The following TMEM178A variants were observed in gnomAD, a reference collection of about 807,000 sequenced individuals.
The protein encoded by TMEM178A is transmembrane protein 178.
TMEM178A carries 12 observed loss-of-function variants against 29.1 expected under a neutral mutation model. The observed-to-expected ratio is 0.41, with a 90% CI of 0.26 to 0.67. The LOEUF is 0.67. Ranked by LOEUF, TMEM178A falls within the 30% of genes least tolerant of loss-of-function variation. The pLI, the probability that TMEM178A is intolerant of heterozygous loss-of-function variation, is 0.29. For missense variants in TMEM178A, 366 were observed against 419.1 expected, an observed-to-expected ratio of 0.87 and a Z score of 1.11; for synonymous variants, 210 against 187.2, an observed-to-expected ratio of 1.12 and a Z score of -0.99.
intron 1 of TMEM178A, among the ~76,000 whole-genome samples, chr2:39,699,005 A>C (rs1227163038): frequency 6.6e-6 from 1 of 150,724 alleles, no homozygotes; most frequent in Non-Finnish European, 1.5e-5. Flanking sequence ...ATTGTTAGTA[A>C]TAGCCTCTGT....
chr2:39,731,181 C>T, the TMEM178A span, among the ~76,000 whole-genome samples: 4 of 152,162 alleles, frequency 2.6e-5, no homozygotes, highest in Non-Finnish European at 5.9e-5. Context: ...CATAAAGAAT[C>T]CAAATACAGA....
the TMEM178A span, among the ~76,000 whole-genome samples, chr2:39,726,216 TAGG>T: frequency 6.6e-6 from 1 of 152,114 alleles, no homozygotes; most frequent in Non-Finnish European, 1.5e-5. Context: ...ATGAGGTGGC[TAGG>T]AGAATAGAGT....
intron 1 of TMEM178A, among the ~76,000 whole-genome samples, chr2:39,697,426 T>C (rs570368522): frequency 6.6e-6 from 1 of 152,320 alleles, no homozygotes; most frequent in South Asian, 2.1e-4. Context: ...TGGTGAGCTG[T>C]CTTTCATTCC....
At chr2:39,688,376 A>G (rs1671170230) in intron 1 of TMEM178A, among the ~76,000 whole-genome samples, 1 of 152,236 alleles carries the variant, frequency 6.6e-6, no homozygotes, top group Non-Finnish European at 1.5e-5. Flanking sequence ...AACTAGACAC[A>G]TGGGAAATAG....
intron 1 of TMEM178A, among the ~76,000 whole-genome samples, chr2:39,693,760 A>G (rs953065033): frequency 3.3e-5 from 5 of 152,200 alleles, no homozygotes; most frequent in African/African-American, 9.6e-5. Flanking sequence ...GTATGCCAAG[A>G]TGGTTCTGAG....
intron 1 of TMEM178A, among the ~76,000 whole-genome samples, chr2:39,688,904 A>G (rs970885558): frequency 3.3e-5 from 5 of 152,206 alleles, no homozygotes; most frequent in Admixed American, 2.0e-4. Context: ...ATATCCCATC[A>G]TAAATGCAGC....
intron 1 of TMEM178A, among the ~76,000 whole-genome samples, chr2:39,676,979 G>A (rs1328465084): frequency 1.3e-5 from 2 of 152,128 alleles, no homozygotes; most frequent in Admixed American, 1.3e-4. Context: ...GTTCTAAGGA[G>A]GCTTATTTAT....
At chr2:39,706,826 C>T (rs17024197) in intron 2 of TMEM178A, among the ~76,000 whole-genome samples, 4,739 of 152,258 alleles carry the variant, frequency 0.031, 224 homozygotes, top group African/African-American at 0.11. Flanking sequence ...GACTTCTCCA[C>T]GGACTCAGAG....
intron 1 of TMEM178A, among the ~76,000 whole-genome samples, chr2:39,700,130 T>A (rs1331520748): frequency 6.6e-6 from 1 of 152,202 alleles, no homozygotes; most frequent in Admixed American, 6.5e-5. Flanking sequence ...TGTTGTTGGA[T>A]GGAGTGTTCA....
intron 1 of TMEM178A, 101 bp downstream of exon 1, chr2:39,666,475 G>A (rs879640592): frequency 3.9e-6 from 4 of 1,025,328 alleles, no homozygotes; most frequent in East Asian, 4.6e-5. Flanking sequence ...TCCCAGCCGC[G>A]GCCCCGCGCC....
At chr2:39,716,111 G>A (rs1672522902) in intron 3 of TMEM178A, among the ~76,000 whole-genome samples, 1 of 152,160 alleles carries the variant, frequency 6.6e-6, no homozygotes, top group South Asian at 2.1e-4. Flanking sequence ...AACAGAACTG[G>A]ACATTCTGAT....
At position 39,704,338 on chromosome 2, in the gene TMEM178A, G is replaced by C. The variant is rs1003899429; in HGVS notation, c.514+144G>C. 1.7e-5 allele frequency: 11 copies of C among 662,430 alleles called. 1 individual carries two copies. The highest frequency in any genetic ancestry group is 3.9e-5 in the South Asian group (2 of 50,680). The allele number at this position is 662,430 out of a possible 1,614,324, so 41.0% of individuals were successfully genotyped here. Reference sequence around the variant, plus strand: ...CCAATCAGATGTGGTCAGAGACTCAGAGGATCATTTCCCTATGCTGTGGAC... The same window carrying C: ...CCAATCAGATGTGGTCAGAGACTCACAGGATCATTTCCCTATGCTGTGGAC... On this transcript the variant is annotated intron_variant, in intron 2 of 3. Transcript: ENST00000281961.
At chr2:39,670,952 AAATT>A (rs567266934) in intron 1 of TMEM178A, among the ~76,000 whole-genome samples, 21 of 152,298 alleles carry the variant, frequency 1.4e-4, no homozygotes, top group South Asian at 6.2e-4. Context: ...TAAAAACAGA[AAATT>A]AATGTGTTTT....
intron 1 of TMEM178A, among the ~76,000 whole-genome samples, chr2:39,669,379 C>G (rs1233355272): frequency 6.6e-6 from 1 of 152,104 alleles, no homozygotes; most frequent in African/African-American, 2.4e-5. Context: ...GAGAGATGTA[C>G]AGGGGATAGA....
chr2:39,678,084 G>T (rs1168944658), intron 1 of TMEM178A, among the ~76,000 whole-genome samples: 2 of 152,172 alleles, frequency 1.3e-5, no homozygotes, highest in African/African-American at 4.8e-5. Flanking sequence ...CATCTCCATA[G>T]ATCTTGTTTC....
At chr2:39,666,412 G>A in intron 1 of TMEM178A, 38 bp downstream of exon 1, 1 of 1,288,240 alleles carries the variant, frequency 7.8e-7, no homozygotes, top group Non-Finnish European at 9.8e-7. Flanking sequence ...CGGCGCCCGC[G>A]CGTGGAGCGC....
chr2:39,713,954 T>C (rs1366670889), intron 3 of TMEM178A, among the ~76,000 whole-genome samples: 3 of 152,242 alleles, frequency 2.0e-5, no homozygotes, highest in Middle Eastern at 3.2e-3. Context: ...AGAAGCTTGT[T>C]GGAAAAGTTG....
chr2:39,701,933 A>G (rs1671799427), intron 1 of TMEM178A, among the ~76,000 whole-genome samples: 1 of 152,096 alleles, frequency 6.6e-6, no homozygotes, highest in South Asian at 2.1e-4. Flanking sequence ...ATTTAGTGAA[A>G]TATCACTCTC....
intron 3 of TMEM178A, among the ~76,000 whole-genome samples, chr2:39,715,011 C>T (rs1231438789): frequency 5.9e-5 from 9 of 151,982 alleles, no homozygotes; most frequent in Admixed American, 5.2e-4. Flanking sequence ...CTCTTTTTTT[C>T]CCTAGATGAA....
Sources: gnomAD v4.1 joint callset for allele counts (sites outside exome capture counted in the v4.1 genomes callset) on GRCh38, gnomAD v4.1.1 for gene constraint, MANE v1.5 for transcripts, NCBI Gene and HGNC (gene_info 2026-07-23, HGNC 2026-07-21) for gene names.